DUS1L: variants seen among roughly 807,000 people sequenced by gnomAD.
DUS1L encodes dihydrouridine synthase 1 like, also known as tRNA-dihydrouridine(16/17) synthase [NAD(P)(+)]-like.
In DUS1L, 56 loss-of-function variants were observed where a neutral mutation model predicts 61.2. That is an observed-to-expected ratio of 0.92 (90% confidence interval 0.74 to 1.14). The LOEUF is 1.14. Ranked by LOEUF, DUS1L falls within the 50% of genes most tolerant of loss-of-function variation. The pLI is 0.00. For missense variants in DUS1L, 630 were observed against 632.4 expected, an observed-to-expected ratio of 1.00 and a Z score of 0.04; for synonymous variants, 278 against 259.5, an observed-to-expected ratio of 1.07 and a Z score of -0.69.
chr17:82,059,829 CT>C (rs2033379219), intron 11 of DUS1L, 118 bp downstream of exon 11: 1 of 1,453,626 alleles, frequency 6.9e-7, no homozygotes, highest in Admixed American at 1.9e-5. Flanking sequence ...CAGGTGTCTG[CT>C]TCCAGCTCTG....
chr17:82,060,569 C>T (rs753126520), intron 10 of DUS1L, 132 bp downstream of exon 10: 2 of 1,217,984 alleles, frequency 1.6e-6, no homozygotes, highest in East Asian at 2.6e-5. Context: ...AGGCCTCCCT[C>T]CTCCTTTCCC....
intron 2 of DUS1L, 147 bp from the exon 3 acceptor site, chr17:82,064,381 A>G (rs1598560810): frequency 1.5e-6 from 1 of 659,184 alleles, no homozygotes; most frequent in Non-Finnish European, 2.6e-6. Context: ...GGCTTACAAT[A>G]TGACAAAGCC....
At chr17:82,061,088 C>T in intron 8 of DUS1L, 121 bp downstream of exon 8, 1 of 1,538,904 alleles carries the variant, frequency 6.5e-7, no homozygotes, top group Non-Finnish European at 8.8e-7. Flanking sequence ...ACCCCAGCCC[C>T]TCAAGACCTG....
At position 82,060,523 on chromosome 17, in the gene DUS1L, G is replaced by A. The variant is rs949538523; in HGVS notation, c.1022+178C>T. The A allele has an allele frequency of 2.7e-5, 20 of 742,204 alleles. No homozygotes were observed. The Admixed American group carries it at 4.0e-4, about 15-fold the overall frequency. The allele number at this position is 742,204 out of a possible 1,614,324, so 46.0% of individuals were successfully genotyped here. A position where few individuals can be genotyped will look rare whatever the true frequency, so the allele number is the denominator to read the frequency against. The stretch of plus-strand genomic sequence containing the variant: ...ACCAGCATCCTCCACCAAGGACACC[G>A]AGGGGCACGTGGAAGGTGTGTGCTG... On this transcript the variant is annotated intron_variant, in intron 10 of 13. Transcript: ENST00000306796.
Position 82,065,715 on chromosome 17 carries a change from C to T in DUS1L, c.-113G>A, listed in dbSNP as rs1017972217. On this transcript the variant is annotated 5_prime_UTR_variant, in exon 1 of 14. Coordinates refer to ENST00000306796, the MANE Select transcript of DUS1L (RefSeq NM_022156.5). ...TCTCCGGCCTCGCCGCCGCCCGGGG[C>T]CCCTGCAGCTCCCGGGGCGCCGCGA... 1.4e-5 allele frequency: 2 copies of T among 147,928 alleles called. No individual in the cohort carries two copies. Among genetic ancestry groups the T allele is most frequent in the African/African-American group, 4.9e-5 (2 of 40,934 alleles). The allele number at this position is 147,928 out of a possible 1,614,324, so 9.2% of individuals were successfully genotyped here.
At position 82,062,335 on chromosome 17, in the gene DUS1L, TG is replaced by T. The variant is rs1459620287; in HGVS notation, c.511-353del. On this transcript the variant is annotated intron_variant, in intron 5 of 13. Transcript: ENST00000306796. Reference sequence around the variant, plus strand: ...GACTGACTCCAGGCTAGTGGGGCACTGGGGGGGAAAGTGGGTCCTGGGCCTG... The same window carrying T: ...GACTGACTCCAGGCTAGTGGGGCACTGGGGGGAAAGTGGGTCCTGGGCCTG... Among the ~76,000 whole-genome samples, 43 of 152,034 alleles carry T rather than the reference TG, an allele frequency of 2.8e-4. 1 individual carries two copies. Among genetic ancestry groups the T allele is most frequent in the Admixed American group, 2.8e-3 (43 of 15,274 alleles).
At chr17:82,064,022 A>G in intron 3 of DUS1L, 104 bp downstream of exon 3, 1 of 992,690 alleles carries the variant, frequency 1.0e-6, no homozygotes, top group South Asian at 1.5e-5. Context: ...CACTGTCACG[A>G]CAGAGGCAGG....
At chr17:82,065,276 C>G (rs2033717487) in intron 1 of DUS1L, 1 of 549,490 alleles carries the variant, frequency 1.8e-6, no homozygotes, top group Non-Finnish European at 3.2e-6. Context: ...AGCCGCTGGA[C>G]CCCTGGGACT....
chr17:82,061,181 G>A (rs200452679), intron 8 of DUS1L, 28 bp downstream of exon 8: 195 of 1,564,284 alleles, frequency 1.2e-4, no homozygotes, highest in Non-Finnish European at 1.4e-4. Flanking sequence ...GCCCTCCAAC[G>A]TGGCTTCTGC....
chr17:82,064,501 G>T lies in DUS1L; in HGVS notation c.238-267C>A, dbSNP rs754757719. Among the ~76,000 whole-genome samples the T allele has an allele frequency of 7.0e-4, 106 of 152,224 alleles. 1 individual carries two copies. The highest frequency in any genetic ancestry group is 1.1e-3 in the Non-Finnish European group (73 of 68,036). On this transcript the variant is annotated intron_variant, in intron 2 of 13. Coordinates refer to ENST00000306796, the MANE Select transcript of DUS1L (RefSeq NM_022156.5). ...AGCCATCTCCACTGGTTCTGAAGAG[G>T]GAGTGTGAGTGTGAGAGGCAGCAAT...
At chr17:82,061,806 A>G in intron 6 of DUS1L, 85 bp from the exon 7 acceptor site, 1 of 1,594,472 alleles carries the variant, frequency 6.3e-7, no homozygotes, top group Non-Finnish European at 8.6e-7. Context: ...CTGGGTGGTC[A>G]CGGGCGTCAG....
rs758681488 is a variant in DUS1L at position 82,061,614 on chromosome 17, C to T, written c.697+4G>A. The T allele has an allele frequency of 6.2e-6, 10 of 1,609,568 alleles. No individual in the cohort carries two copies. In the Admixed American group the frequency reaches 8.3e-5, roughly 13 times the overall value. On this transcript the variant is annotated splice_donor_region_variant and intron_variant, in intron 7 of 13. Coordinates refer to ENST00000306796, the MANE Select transcript of DUS1L (RefSeq NM_022156.5). ...CCCTGGCTGCTGTCCTGGGCCCTGC[C>T]CACCTGCGCTCATGACGCCCTGCAC...
chr17:82,059,309 C>G (rs532406735), intron 11 of DUS1L: 1 of 181,218 alleles, frequency 5.5e-6, no homozygotes, highest in African/African-American at 2.3e-5. Context: ...TGGCACCAGC[C>G]TGATGTGGCA....
chr17:82,064,759 T>C (rs968018393), intron 2 of DUS1L, 64 bp downstream of exon 2: 46 of 1,468,930 alleles, frequency 3.1e-5, no homozygotes, highest in Non-Finnish European at 3.0e-5. Flanking sequence ...GAGAAGGGTT[T>C]TTCCCCAGGC....
chr17:82,065,725 TC>T lies in DUS1L; in HGVS notation c.-124del, dbSNP rs1488924970. The T allele has an allele frequency of 6.8e-6, 1 of 146,060 alleles. No homozygotes were observed. The highest frequency in any genetic ancestry group is 2.5e-5 in the African/African-American group (1 of 40,166). The allele number at this position is 146,060 out of a possible 1,614,324, so 9.0% of individuals were successfully genotyped here. On this transcript the variant is annotated 5_prime_UTR_variant, in exon 1 of 14. Transcript: ENST00000306796. The stretch of plus-strand genomic sequence containing the variant: ...CGCCGCCGCCCGGGGCCCCTGCAGC[TC>T]CCGGGGCGCCGCGAACGCCCGCACC...
At chr17:82,060,257 A>C (rs1281150775) in intron 10 of DUS1L, 164 bp from the exon 11 acceptor site, 1 of 898,662 alleles carries the variant, frequency 1.1e-6, no homozygotes, top group Non-Finnish European at 1.6e-6. Context: ...AGGACTCGTC[A>C]CTAGGGAGTC....
chr17:82,059,100 C>T (rs2033285452), intron 11 of DUS1L: 3 of 487,650 alleles, frequency 6.2e-6, no homozygotes, highest in Non-Finnish European at 7.5e-6. Context: ...ATCTGTCCTA[C>T]CCCCAGGCAG....
At chr17:82,061,808 G>T (rs568505089) in intron 6 of DUS1L, 87 bp from the exon 7 acceptor site, 16 of 1,592,866 alleles carry the variant, frequency 1.0e-5, no homozygotes, top group Non-Finnish European at 1.4e-5. Context: ...GGGTGGTCAC[G>T]GGCGTCAGGC....
At chr17:82,065,404 T>G in intron 1 of DUS1L, 1 of 262,650 alleles carries the variant, frequency 3.8e-6, no homozygotes, top group Admixed American at 5.0e-5. Flanking sequence ...CGCCCGGCGG[T>G]GAAGTTAGGA....
Sources: gnomAD v4.1 joint callset for allele counts (sites outside exome capture counted in the v4.1 genomes callset) on GRCh38, gnomAD v4.1.1 for gene constraint, MANE v1.5 for transcripts, NCBI Gene and HGNC (gene_info 2026-07-23, HGNC 2026-07-21) for gene names.